PCNT: variants seen among roughly 807,000 people sequenced by gnomAD.
The protein encoded by PCNT is kendrin.
Under a neutral mutation model 380.4 loss-of-function variants are expected in PCNT, and 319 were observed. That is an observed-to-expected ratio of 0.84 (90% CI 0.77 to 0.92). The LOEUF (loss-of-function observed/expected upper bound fraction) is 0.92, where lower values mean the gene tolerates loss of function less well. PCNT is among the 40% of genes least tolerant of loss of function. The pLI is 0.00. For synonymous variants in PCNT, 1,845 were observed against 1,735.2 expected (o/e 1.06, Z -1.57); for missense variants, 4,400 against 4,255.3 (o/e 1.03, Z -0.95).
Position 46,388,735 on chromosome 21 carries a change from G to C in PCNT, c.3465-7G>C. 3 of 1,613,682 alleles carry C rather than the reference G, an allele frequency of 1.9e-6. No homozygotes were observed. Among genetic ancestry groups the C allele is most frequent in the Non-Finnish European group, 2.5e-6 (3 of 1,179,990 alleles). The stretch of plus-strand genomic sequence containing the variant: ...GCTTGCCTGATGATGGGTGTCTCCT[G>C]TCTCAGAGGGGCCCTCCAGGACGCC... On this transcript the variant is annotated splice_region_variant and splice_polypyrimidine_tract_variant and intron_variant, in intron 17 of 46. Transcript: ENST00000359568. The surrounding 1 kb of genome is among the most constrained non-coding windows in gnomAD (Gnocchi z 4.2).
intron 37 of PCNT, 23 bp from the exon 38 acceptor site, chr21:46,431,506 C>A: frequency 6.2e-7 from 1 of 1,613,884 alleles, no homozygotes; most frequent in Non-Finnish European, 8.5e-7. Context: ...CAGTGTCTCC[C>A]ATCGTATGTG....
chr21:46,439,006 T>TAG (rs899302050), intron 41 of PCNT, among the ~76,000 whole-genome samples: 3 of 152,192 alleles, frequency 2.0e-5, no homozygotes, highest in Non-Finnish European at 1.5e-5. Flanking sequence ...TATAGTTGGA[T>TAG]AGAGTTATCT....
intron 38 of PCNT, among the ~76,000 whole-genome samples, chr21:46,434,213 T>G (rs982502354): frequency 6.6e-6 from 1 of 152,252 alleles, no homozygotes; most frequent in Non-Finnish European, 1.5e-5. Flanking sequence ...ACAATCTCAT[T>G]AGTTCCTCTG....
At chr21:46,324,429 A>T (rs1476430566) in intron 1 of PCNT, 147 bp downstream of exon 1, 1 of 750,054 alleles carries the variant, frequency 1.3e-6, no homozygotes, top group African/African-American at 1.8e-5. Context: ...GCTCCGCTGG[A>T]AGCCGCCTCC....
chr21:46,344,075 T>C (rs2083989736), intron 3 of PCNT, among the ~76,000 whole-genome samples: 3 of 151,622 alleles, frequency 2.0e-5, no homozygotes, highest in Admixed American at 6.6e-5. Context: ...TTTTCTTTTT[T>C]TTTTTTTGAG....
In PCNT at chr21:46,435,815, T is replaced by G. The variant is rs2053423334; in HGVS notation, c.8752-89T>G. ...CCTCGGCCTCCCAAAGTGCTAGGAT[T>G]ACAGGCATGAACCACCGCGCCCGGC... On this transcript the variant is annotated intron_variant, in intron 38 of 46. Transcript: ENST00000359568. 6 of 1,502,424 alleles carry G rather than the reference T, an allele frequency of 4.0e-6. No individual in the cohort carries two copies. In the Admixed American group the frequency reaches 1.0e-4, roughly 25 times the overall value. 93.1% of individuals were successfully genotyped at this position (1,502,424 alleles called of 1,614,324 possible).
At chr21:46,351,118 G>A (rs928978424) in intron 8 of PCNT, among the ~76,000 whole-genome samples, 3 of 152,184 alleles carry the variant, frequency 2.0e-5, no homozygotes, top group Non-Finnish European at 4.4e-5. Flanking sequence ...GCAGGGAGGT[G>A]CACAAGATGA....
chr21:46,402,331 GT>G lies in PCNT; in HGVS notation c.4967del (p.Leu1656TrpfsTer3). ...TTTTCTTCTTTTGTTTTAATGAAAG[GT>G]TTTGGACTTAAAAGAACAGCTAGAA... ...QRALLRRESE[V>X]LDLKEQLEKM... is the part of the protein sequence containing the mutation. On this transcript the variant is annotated frameshift_variant and splice_region_variant, in exon 27 of 47. Coordinates refer to ENST00000359568, the MANE Select transcript of PCNT (RefSeq NM_006031.6). LOFTEE classifies it high-confidence loss of function. The G allele has an allele frequency of 3.1e-6, 5 of 1,592,634 alleles. No homozygotes were observed. The highest frequency in any genetic ancestry group is 4.3e-6 in the Non-Finnish European group (5 of 1,160,844).
At chr21:46,325,054 C>T in intron 1 of PCNT, 1 of 985,508 alleles carries the variant, frequency 1.0e-6, no homozygotes, top group Non-Finnish European at 1.2e-6. Context: ...CCGTCTTTCT[C>T]CCGCCCCGGG....
chr21:46,395,707 A>G (rs988961595), intron 21 of PCNT, among the ~76,000 whole-genome samples: 1 of 151,924 alleles, frequency 6.6e-6, no homozygotes, highest in Non-Finnish European at 1.5e-5. Context: ...CAGAAATAAT[A>G]GTAATAAAAT....
At chr21:46,385,260 G>A (rs1371484454) in intron 16 of PCNT, among the ~76,000 whole-genome samples, 1 of 152,222 alleles carries the variant, frequency 6.6e-6, no homozygotes, top group Non-Finnish European at 1.5e-5. Flanking sequence ...GAAAGCTGAG[G>A]TGGGAGGATT....
intron 15 of PCNT, among the ~76,000 whole-genome samples, chr21:46,380,282 C>T (rs1001633108): frequency 1.3e-5 from 2 of 149,034 alleles, no homozygotes; most frequent in African/African-American, 4.9e-5. Flanking sequence ...CTGCCTCAGA[C>T]TCCCGAGTAG....
chr21:46,355,172 C>T (rs2084426087), intron 11 of PCNT, among the ~76,000 whole-genome samples: 1 of 152,192 alleles, frequency 6.6e-6, no homozygotes, highest in African/African-American at 2.4e-5. Flanking sequence ...AGAGGTCTGC[C>T]CGGTCCAGGG....
chr21:46,412,049 G>C lies in PCNT; in HGVS notation c.5976G>C (p.Pro1992=). ...VEASHDAALE[P]VVPDPQGDLQ... ...CCTCCCATGATGCTGCTTTGGAGCC[G>C]GTTGTCCCTGACCCACAGGTGGGCT... The change falls in exon 28 of 47, where the codon CCG becomes CCC. Residue 1992 remains proline (P), a synonymous_variant. Transcript: ENST00000359568. 6.2e-7 allele frequency: 1 copy of C among 1,607,440 alleles called. No individual in the cohort carries two copies. Among genetic ancestry groups the C allele is most frequent in the Non-Finnish European group, 8.5e-7 (1 of 1,179,804 alleles).
chr21:46,343,768 A>G (rs1249954979), intron 3 of PCNT, among the ~76,000 whole-genome samples: 8 of 152,266 alleles, frequency 5.3e-5, no homozygotes, highest in Middle Eastern at 3.4e-3. Flanking sequence ...TTTGTTGGCA[A>G]TTTTTAAATT....
Position 46,355,484 on chromosome 21 carries a change from AGAAAGCCACAGGCACCAGCTGG to A in PCNT, c.1795_1816del (p.Glu599LysfsTer21). 6.2e-7 allele frequency: 1 copy of A among 1,614,058 alleles called. No homozygotes were observed. On this transcript the variant is annotated frameshift_variant, in exon 12 of 47. Transcript: ENST00000359568. LOFTEE classifies it high-confidence loss of function. Reference sequence around the variant, plus strand: ...TGCCACGCTTCCAGGCGGAGTTAGAAGAAAGCCACAGGCACCAGCTGGAAGCGCTGGAGTCTCCCCTCTGCAT... The same window carrying A: ...TGCCACGCTTCCAGGCGGAGTTAGAAAAGCGCTGGAGTCTCCCCTCTGCAT...
intron 33 of PCNT, among the ~76,000 whole-genome samples, chr21:46,427,317 C>T (rs1197894636): frequency 6.6e-6 from 1 of 152,238 alleles, no homozygotes. Flanking sequence ...CGTAACAGAA[C>T]ACCCCAGACC....
At chr21:46,375,245 A>G (rs2085298406) in intron 15 of PCNT, among the ~76,000 whole-genome samples, 1 of 152,138 alleles carries the variant, frequency 6.6e-6, no homozygotes, top group South Asian at 2.1e-4. Flanking sequence ...GGGATGCTCA[A>G]GGCGGTGTCA....
rs776889427 is a variant in PCNT, at chr21:46,366,637, C to A, written c.2663C>A (p.Ala888Asp). Residue 888 changes from alanine to aspartate, a missense_variant, in exon 15 of 47, where the codon GCC becomes GAC. Transcript: ENST00000359568. ...GAGAAATTCAGTGCGGAACAAGATG[C>A]CTTCCTGCAGGAGGCCCAGGAGCAG... is the stretch of plus-strand genomic sequence containing the variant. Reference protein sequence around the residue: ...ITEKFSAEQDAFLQEAQEQHA... With the variant: ...ITEKFSAEQDDFLQEAQEQHA... 6 of 1,614,028 alleles carry A rather than the reference C, an allele frequency of 3.7e-6. No homozygotes were observed. Among genetic ancestry groups the A allele is most frequent in the Non-Finnish European group, 4.2e-6 (5 of 1,179,982 alleles).
Sources: gnomAD v4.1 joint callset for allele counts (sites outside exome capture counted in the v4.1 genomes callset) on GRCh38, gnomAD v4.1.1 for gene constraint, Gnocchi (gnomAD v3.1) non-coding constraint, MANE v1.5 for transcripts, NCBI Gene and HGNC (gene_info 2026-07-23, HGNC 2026-07-21) for gene names.